Variants in ENG observed in about 807,000 individuals in gnomAD.
ENG encodes the protein endoglin.
A neutral mutation model predicts 71.0 loss-of-function variants in ENG; 17 were observed. That is an observed-to-expected ratio of 0.24 (90% CI 0.16 to 0.36). The LOEUF is 0.36. ENG is among the 10% of genes least tolerant of loss of function. The pLI is 1.00. For missense variants in ENG, 749 were observed against 868.3 expected (o/e 0.86, Z 1.73); for synonymous variants, 360 against 366.9 (o/e 0.98, Z 0.21).
chr9:127,824,599 A>G (rs558535367), intron 7 of ENG, among the ~76,000 whole-genome samples, 153 bp from the exon 8 acceptor site: 14 of 145,720 alleles, frequency 9.6e-5, no homozygotes, highest in African/African-American at 2.9e-4. Context: ...GCTCACTGCA[A>G]CCTCCATCTC....
At chr9:127,835,982 G>T (rs41387947) in intron 2 of ENG, among the ~76,000 whole-genome samples, 6 of 152,116 alleles carry the variant, frequency 3.9e-5, no homozygotes, top group South Asian at 2.1e-4. Flanking sequence ...GGAAACTCAG[G>T]GGGGCTGGAA....
At chr9:127,824,578 G>T (rs1830556805) in intron 7 of ENG, 132 bp from the exon 8 acceptor site, 1 of 1,245,190 alleles carries the variant, frequency 8.0e-7, no homozygotes, top group South Asian at 1.6e-5. Context: ...GAGTGCAGTG[G>T]CACGATCTTG....
intron 8 of ENG, among the ~76,000 whole-genome samples, chr9:127,821,739 C>T (rs372274620): frequency 1.7e-4 from 26 of 151,598 alleles, no homozygotes; most frequent in African/African-American, 5.8e-4. Context: ...AAAAATAAGC[C>T]AAGAGTGGTG....
At chr9:127,843,313 A>G (rs1831087520) in intron 1 of ENG, 68 bp from the exon 2 acceptor site, 3 of 1,607,824 alleles carry the variant, frequency 1.9e-6, no homozygotes, top group Admixed American at 1.7e-5. Context: ...CTACTTTCCA[A>G]ACGTCTCCTA....
At chr9:127,837,018 A>T (rs1830917571) in intron 2 of ENG, among the ~76,000 whole-genome samples, 1 of 152,098 alleles carries the variant, frequency 6.6e-6, no homozygotes, top group Non-Finnish European at 1.5e-5. Context: ...CGAACTCCTG[A>T]CCCAAATGAT....
At position 127,854,029 on chromosome 9, in the gene ENG, C is replaced by T. The variant is rs534160513; in HGVS notation, c.67+260G>A. ...CTAGGCTTCCCGGGGAGTAATGGAACGCAGCTGGGTGAGCAGACGCCAGAG... is the reference window on the plus strand; with the variant it reads ...CTAGGCTTCCCGGGGAGTAATGGAATGCAGCTGGGTGAGCAGACGCCAGAG... On this transcript the variant is annotated intron_variant, in intron 1 of 14. Transcript: ENST00000373203. Among the ~76,000 whole-genome samples, 13 of 152,312 alleles carry T rather than the reference C, an allele frequency of 8.5e-5. No homozygotes were observed. In the South Asian group the frequency reaches 1.5e-3, roughly 17 times the overall value.
In ENG at chr9:127,854,282, C is replaced by T. The variant is rs1455679426; in HGVS notation, c.67+7G>A. On this transcript the variant is annotated splice_region_variant and intron_variant, in intron 1 of 14. Coordinates refer to ENST00000373203, the MANE Select transcript of ENG (RefSeq NM_001114753.3). Reference sequence around the variant, plus strand: ...AGTCTCCCCACCCTGGGTCCCTGGACACCTACTTGTGGGGCTGAGGCTGCA... The same window carrying T: ...AGTCTCCCCACCCTGGGTCCCTGGATACCTACTTGTGGGGCTGAGGCTGCA... The T allele has an allele frequency of 1.3e-5, 20 of 1,582,598 alleles. No individual in the cohort carries two copies. Among genetic ancestry groups the T allele is most frequent in the Admixed American group, 1.8e-5 (1 of 55,414 alleles).
rs577699793 is a variant in ENG at position 127,846,474 on chromosome 9, C to G, written c.68-3229G>C. Reference sequence around the variant, plus strand: ...CTTTGGGACTTTCCCTGCCCCCTCCCCAGACTTCCAGGAACCCCAGTTCCT... The same window carrying G: ...CTTTGGGACTTTCCCTGCCCCCTCCGCAGACTTCCAGGAACCCCAGTTCCT... On this transcript the variant is annotated intron_variant, in intron 1 of 14. Transcript: ENST00000373203. The surrounding 1 kb of genome is among the most constrained non-coding windows in gnomAD (Gnocchi z 5.5). 2.0e-5 allele frequency among the ~76,000 whole-genome samples: 3 copies of G among 152,242 alleles called. No homozygotes were observed. The highest frequency in any genetic ancestry group is 4.4e-5 in the Non-Finnish European group (3 of 68,052).
intron 2 of ENG, among the ~76,000 whole-genome samples, chr9:127,834,144 C>T (rs546342388): frequency 6.6e-6 from 1 of 152,302 alleles, no homozygotes; most frequent in South Asian, 2.1e-4. Flanking sequence ...ATGATCTCGG[C>T]TCACTGCCAC....
chr9:127,851,042 T>C (rs1831270627), intron 1 of ENG, among the ~76,000 whole-genome samples: 2 of 151,970 alleles, frequency 1.3e-5, no homozygotes, highest in South Asian at 4.1e-4. Context: ...GGATTAAAAG[T>C]AGCTTAAAAA....
intron 3 of ENG, chr9:127,827,180 T>G: frequency 6.5e-6 from 1 of 154,400 alleles, no homozygotes; most frequent in Non-Finnish European, 1.4e-5. Context: ...TGATGGGTGC[T>G]CCCCGCCTAT....
chr9:127,816,549 C>T (rs1830321442), intron 13 of ENG: 1 of 253,118 alleles, frequency 4.0e-6, no homozygotes, highest in Admixed American at 4.9e-5. Context: ...AGCAGTCTTT[C>T]CTTGAGCCTC....
Position 127,819,956 on chromosome 9 carries a change from G to T in ENG, c.1216C>A (p.Arg406Ser), listed in dbSNP as rs751787590. 1 of 1,614,092 alleles carries T rather than the reference G, an allele frequency of 6.2e-7. No homozygotes were observed. Among genetic ancestry groups the T allele is most frequent in the South Asian group, 1.1e-5 (1 of 91,086 alleles). The part of the protein sequence containing the change: ...AEDRGDKFVL[R>S]SAYSSCGMQV... ...ATGCCACAGCTGGAGTAAGCACTGCGCAAGACAAACTTGTCACCCCTGTCC... is the reference window on the plus strand; with the variant it reads ...ATGCCACAGCTGGAGTAAGCACTGCTCAAGACAAACTTGTCACCCCTGTCC... Residue 406 changes from arginine (R) to serine (S), a missense_variant, in exon 9 of 15, where the codon CGC (arginine) becomes AGC (serine). Arg to Ser is a moderately radical substitution (Grantham distance 110, BLOSUM62 -1). Coordinates refer to ENST00000373203, the MANE Select transcript of ENG (RefSeq NM_001114753.3).
At chr9:127,851,284 A>G (rs1362599120) in intron 1 of ENG, among the ~76,000 whole-genome samples, 2 of 151,680 alleles carry the variant, frequency 1.3e-5, no homozygotes, top group Admixed American at 1.3e-4. Context: ...CGGTGGCTTG[A>G]TCTCGGCTCA....
chr9:127,827,013 C>T (rs1406047966), intron 3 of ENG: 6 of 348,880 alleles, frequency 1.7e-5, no homozygotes, highest in Non-Finnish European at 3.3e-5. Flanking sequence ...GATCTCCCTA[C>T]ACTGTGAGGG....
Position 127,824,787 on chromosome 9 carries a change from G to A in ENG, c.991+13C>T. The A allele has an allele frequency of 6.5e-7, 1 of 1,541,078 alleles. No individual in the cohort carries two copies. Among genetic ancestry groups the A allele is most frequent in the Non-Finnish European group, 8.7e-7 (1 of 1,144,436 alleles). ...AGGGGAAGGGAAGGGAGGGGCAGGG[G>A]AAGGGTGCTCACCGCAGCTGGAGGC... is the stretch of plus-strand genomic sequence containing the variant. On this transcript the variant is annotated intron_variant, in intron 7 of 14. Transcript: ENST00000373203.
rs1045766487 is a variant in ENG at position 127,826,402 on chromosome 9, G to T, written c.523+108C>A. Reference sequence around the variant, plus strand: ...TGTGGCATGTGAACTGTGGCACAGCGTGTCCCCTCCTGCACTCTTGGTGCC... The same window carrying T: ...TGTGGCATGTGAACTGTGGCACAGCTTGTCCCCTCCTGCACTCTTGGTGCC... On this transcript the variant is annotated intron_variant, in intron 4 of 14. Coordinates refer to ENST00000373203, the MANE Select transcript of ENG (RefSeq NM_001114753.3). 20 of 1,419,676 alleles carry T rather than the reference G, an allele frequency of 1.4e-5. No homozygotes were observed. In the East Asian group the frequency reaches 4.0e-4, roughly 29 times the overall value. The allele number at this position is 1,419,676 out of a possible 1,614,324, so 87.9% of individuals were successfully genotyped here. A position where few individuals can be genotyped will look rare whatever the true frequency, so the allele number is the denominator to read the frequency against.
intron 10 of ENG, 113 bp downstream of exon 10, chr9:127,819,509 C>CA: frequency 6.9e-7 from 1 of 1,443,048 alleles, no homozygotes; most frequent in South Asian, 1.2e-5. Context: ...ATTCCAGACA[C>CA]ACATGGCTTG....
At chr9:127,834,929 GT>G (rs775863403) in intron 2 of ENG, among the ~76,000 whole-genome samples, 20 of 151,930 alleles carry the variant, frequency 1.3e-4, no homozygotes, top group Middle Eastern at 3.4e-3. Context: ...TTTGATTAAT[GT>G]TTTCTAGTGG....
Sources: allele counts gnomAD v4.1 joint callset (sites outside exome capture counted in the v4.1 genomes callset), GRCh38; gene constraint gnomAD v4.1.1; non-coding constraint Gnocchi (gnomAD v3.1); transcripts MANE v1.5; gene names NCBI Gene and HGNC (gene_info 2026-07-23, HGNC 2026-07-21).